Variants in CLDN16 observed in about 807,000 individuals in gnomAD.
CLDN16 encodes the protein claudin 16, also known as claudin-16.
In CLDN16, 13 loss-of-function variants were observed where a neutral mutation model predicts 24.6. The ratio of observed to expected loss-of-function variants is 0.53; its 90% CI spans 0.34 to 0.84. The LOEUF (loss-of-function observed/expected upper bound fraction) is 0.84. Among genes scored for constraint, CLDN16 ranks in the 40% least tolerant of loss-of-function variants. CLDN16 has a pLI of 0.01. For synonymous variants in CLDN16, 116 were observed against 106.7 expected (o/e 1.09, Z -0.54); for missense variants, 298 against 292.7 (o/e 1.02, Z -0.13).
chr3:190,348,473 G>A (rs1313079634), intron 1 of CLDN16, among the ~76,000 whole-genome samples: 3 of 151,884 alleles, frequency 2.0e-5, no homozygotes, highest in South Asian at 2.1e-4. Context: ...GAGAGACTGT[G>A]CAGAGTGAAG....
upstream of CLDN16, among the ~76,000 whole-genome samples, chr3:190,386,511 T>C (rs78055904): frequency 0.094 from 14,250 of 152,166 alleles, 892 homozygotes; most frequent in Non-Finnish European, 0.14. Context: ...GGGTGGGTAG[T>C]GCATACAATG....
At chr3:190,353,707 C>T (rs1454235476) in intron 1 of CLDN16, among the ~76,000 whole-genome samples, 1 of 152,006 alleles carries the variant, frequency 6.6e-6, no homozygotes, top group East Asian at 1.9e-4. Context: ...TTTACCAGAC[C>T]TTTCTGTATC....
chr3:190,369,218 G>C (rs1718084022), intron 1 of CLDN16, among the ~76,000 whole-genome samples: 1 of 151,868 alleles, frequency 6.6e-6, no homozygotes, highest in African/African-American at 2.4e-5. Context: ...CCCTTACTCA[G>C]AAAGTCACTG....
At chr3:190,316,933 A>C in the CLDN16 span, among the ~76,000 whole-genome samples, 3 of 152,226 alleles carry the variant, frequency 2.0e-5, no homozygotes, top group African/African-American at 7.2e-5. Context: ...CTAGAAACTC[A>C]TGCAGATAAT....
chr3:190,353,868 C>A (rs1417888739), intron 1 of CLDN16, among the ~76,000 whole-genome samples: 1 of 152,002 alleles, frequency 6.6e-6, no homozygotes, highest in East Asian at 1.9e-4. Flanking sequence ...GCTGTTGTAA[C>A]AAATTACCAC....
chr3:190,305,179 C>A, the CLDN16 span, among the ~76,000 whole-genome samples: 3 of 152,162 alleles, frequency 2.0e-5, no homozygotes, highest in South Asian at 6.2e-4. Context: ...GAGCTGCAAG[C>A]CTTTACTTAT....
intron 1 of CLDN16, among the ~76,000 whole-genome samples, chr3:190,327,530 G>A (rs1717094352): frequency 6.6e-6 from 1 of 152,218 alleles, no homozygotes; most frequent in African/African-American, 2.4e-5. Context: ...GATGAGAAAA[G>A]TGAGGTGTGA....
intron 1 of CLDN16, among the ~76,000 whole-genome samples, chr3:190,341,907 A>C (rs894554083): frequency 2.0e-5 from 3 of 152,146 alleles, no homozygotes; most frequent in African/African-American, 7.2e-5. Context: ...GCAGGGACAA[A>C]ATGCTGCCAG....
At chr3:190,336,678 T>C (rs910716748) in intron 1 of CLDN16, among the ~76,000 whole-genome samples, 8 of 152,178 alleles carry the variant, frequency 5.3e-5, no homozygotes, top group African/African-American at 1.9e-4. Context: ...AGGTTTTGTG[T>C]GGAGTCTCTG....
At chr3:190,391,485 A>G (rs148554128) in intron 1 of CLDN16, among the ~76,000 whole-genome samples, 133 of 152,330 alleles carry the variant, frequency 8.7e-4, no homozygotes, top group Middle Eastern at 3.4e-3. Flanking sequence ...TCATTGGGGA[A>G]GAAAATATGC....
chr3:190,326,529 G>T (rs1329875211), intron 1 of CLDN16, among the ~76,000 whole-genome samples: 2 of 152,174 alleles, frequency 1.3e-5, no homozygotes, highest in African/African-American at 4.8e-5. Context: ...CCCTGGTTAG[G>T]ACTAATGCCT....
intron 1 of CLDN16, among the ~76,000 whole-genome samples, chr3:190,342,892 TG>T (rs1267504179): frequency 6.6e-6 from 1 of 152,188 alleles, no homozygotes; most frequent in African/African-American, 2.4e-5. Flanking sequence ...TCCTTGACAT[TG>T]GCCTTGGCAA....
chr3:190,409,495 T>G (rs1417440514), intron 4 of CLDN16, among the ~76,000 whole-genome samples: 2 of 152,052 alleles, frequency 1.3e-5, no homozygotes, highest in Non-Finnish European at 2.9e-5. Flanking sequence ...ATATATATTT[T>G]GATGTATTAC....
At chr3:190,407,991 T>C (rs977803302) in intron 3 of CLDN16, among the ~76,000 whole-genome samples, 4 of 152,232 alleles carry the variant, frequency 2.6e-5, no homozygotes, top group Non-Finnish European at 4.4e-5. Flanking sequence ...TTTTCCTTTA[T>C]ACAATACTAA....
intron 2 of CLDN16, among the ~76,000 whole-genome samples, chr3:190,404,424 G>A (rs1719038482): frequency 1.3e-5 from 2 of 152,074 alleles, no homozygotes; most frequent in South Asian, 4.1e-4. Context: ...TTCAGCAATC[G>A]GCTACAATAT....
chr3:190,301,140 T>A, the CLDN16 span, among the ~76,000 whole-genome samples: 20 of 152,184 alleles, frequency 1.3e-4, no homozygotes, highest in Non-Finnish European at 2.2e-4. Context: ...GTTCTTCATA[T>A]GCCCGTTTTT....
intron 2 of CLDN16, among the ~76,000 whole-genome samples, chr3:190,372,972 G>A (rs114648337): frequency 0.014 from 2,108 of 151,878 alleles, 36 homozygotes; most frequent in Non-Finnish European, 0.024. Flanking sequence ...TGCCTGTGTC[G>A]GAATCCTTAC....
intron 1 of CLDN16, among the ~76,000 whole-genome samples, chr3:190,365,096 T>G (rs1717992065): frequency 6.6e-6 from 1 of 151,958 alleles, no homozygotes; most frequent in African/African-American, 2.4e-5. Flanking sequence ...TCTTTTTGGC[T>G]GTTTATCTCT....
intron 4 of CLDN16, among the ~76,000 whole-genome samples, chr3:190,408,953 A>G (rs567110768): frequency 4.7e-5 from 7 of 150,156 alleles, no homozygotes; most frequent in East Asian, 1.9e-4. Context: ...GTATATGCAT[A>G]TATGTATATG....
Sources: gnomAD v4.1 joint callset for allele counts (sites outside exome capture counted in the v4.1 genomes callset) on GRCh38, gnomAD v4.1.1 for gene constraint, MANE v1.5 for transcripts, NCBI Gene and HGNC (gene_info 2026-07-23, HGNC 2026-07-21) for gene names.